The following CRIM1 variants were observed in gnomAD, a reference collection of about 807,000 sequenced individuals.
CRIM1 encodes cysteine-rich motor neuron 1 protein.
In CRIM1, 32 loss-of-function variants were observed where a neutral mutation model predicts 116.4. The ratio of observed to expected loss-of-function variants is 0.27; its 90% CI spans 0.21 to 0.37. CRIM1 has a LOEUF of 0.37. Among genes scored for constraint, CRIM1 ranks in the 10% least tolerant of loss-of-function variants. CRIM1 has a pLI of 1.00. For missense variants in CRIM1, 1,331 were observed against 1,354.8 expected, an observed-to-expected ratio of 0.98 and a Z score of 0.28; for synonymous variants, 590 against 509.2, an observed-to-expected ratio of 1.16 and a Z score of -2.13.
At chr2:36,460,688 T>C (rs1406758766) in intron 4 of CRIM1, among the ~76,000 whole-genome samples, 1 of 152,238 alleles carries the variant, frequency 6.6e-6, no homozygotes, top group Admixed American at 6.5e-5. Flanking sequence ...GTTTTTGTTT[T>C]GTTGTGTTAC....
At chr2:36,382,309 G>T (rs1007574518) in intron 1 of CRIM1, among the ~76,000 whole-genome samples, 1 of 152,212 alleles carries the variant, frequency 6.6e-6, no homozygotes, top group African/African-American at 2.4e-5. Flanking sequence ...GGCAGAGTCT[G>T]TTTCTGAAAC....
chr2:36,453,911 G>A (rs768225393), intron 4 of CRIM1, among the ~76,000 whole-genome samples: 16 of 152,130 alleles, frequency 1.1e-4, no homozygotes, highest in African/African-American at 3.6e-4. Context: ...TTGATTTTTC[G>A]ACTTGTAATG....
At chr2:36,375,870 T>C (rs1670281249) in intron 1 of CRIM1, among the ~76,000 whole-genome samples, 1 of 152,222 alleles carries the variant, frequency 6.6e-6, no homozygotes, top group African/African-American at 2.4e-5. Flanking sequence ...TTTAGTTGGA[T>C]CATAGGATAA....
chr2:36,404,769 C>T (rs1033732658), intron 2 of CRIM1, among the ~76,000 whole-genome samples: 1 of 152,136 alleles, frequency 6.6e-6, no homozygotes, highest in African/African-American at 2.4e-5. Context: ...TACACAAAGA[C>T]TTCTGTTTTA....
In CRIM1 at chr2:36,510,010, A is replaced by G. The variant is rs557537588; in HGVS notation, c.1529A>G (p.Gln510Arg). 82 of 1,613,962 alleles carry G rather than the reference A, an allele frequency of 5.1e-5. 3 individuals carry two copies. The South Asian group carries it at 8.6e-4, about 17-fold the overall frequency. Residue 510 changes from glutamine to arginine, a missense_variant, in exon 9 of 17, where the codon CAA (glutamine) becomes CGA (arginine). This residue lies in a region of CRIM1 where 358 missense variants were observed against 436.1 expected (regional missense o/e 0.82). Transcript: ENST00000280527. ...GAGGAACTATGTTCAGAACGTAAAC[A>G]AGGCTGCACCTTGAACTGTCCCTTC... ...NTEELCSERK[Q>R]GCTLNCPFGF...
In CRIM1 at chr2:36,477,019, A is replaced by G. The variant is rs1261269824; in HGVS notation, c.1122A>G (p.Ile374Met). The change falls in exon 6 of 17, where the codon ATA (isoleucine) becomes ATG (methionine). Residue 374 changes from isoleucine (I) to methionine (M), a missense_variant. Transcript: ENST00000280527. ...AICFTAQCGE[I>M]NCERYYVPEG... is the part of the protein sequence containing the mutation. ...GCTTCACCGCCCAGTGTGGTGAGATAAACTGCGAGAGGTACTACGTGCCCG... is the reference window on the plus strand; with the variant it reads ...GCTTCACCGCCCAGTGTGGTGAGATGAACTGCGAGAGGTACTACGTGCCCG... The G allele has an allele frequency of 6.2e-7, 1 of 1,613,782 alleles. No individual in the cohort carries two copies. The highest frequency in any genetic ancestry group is 1.3e-5 in the African/African-American group (1 of 75,066).
chr2:36,417,040 G>A (rs985313225), intron 2 of CRIM1, among the ~76,000 whole-genome samples: 3 of 152,158 alleles, frequency 2.0e-5, no homozygotes, highest in Admixed American at 6.5e-5. Context: ...GGTAACAGAC[G>A]TGGCACCGTC....
chr2:36,455,025 G>T (rs1395868749), intron 4 of CRIM1, among the ~76,000 whole-genome samples: 2 of 152,188 alleles, frequency 1.3e-5, no homozygotes, highest in African/African-American at 4.8e-5. Flanking sequence ...GGAGGTTCAG[G>T]CCGCAGAGAA....
intron 5 of CRIM1, among the ~76,000 whole-genome samples, chr2:36,467,251 A>G (rs1439248057): frequency 6.6e-6 from 1 of 152,196 alleles, no homozygotes; most frequent in Non-Finnish European, 1.5e-5. Context: ...GTGTCTATTG[A>G]TATATCAGTC....
At chr2:36,492,756 T>C (rs1012189788) in intron 7 of CRIM1, among the ~76,000 whole-genome samples, 2 of 152,198 alleles carry the variant, frequency 1.3e-5, no homozygotes, top group African/African-American at 4.8e-5. Flanking sequence ...TATTTAGCCA[T>C]TGAACTGCCA....
chr2:36,547,990 G>A (rs994461916), intron 16 of CRIM1, among the ~76,000 whole-genome samples: 1 of 152,126 alleles, frequency 6.6e-6, no homozygotes. Context: ...CGGTTATCCT[G>A]CCTCCGATTT....
chr2:36,355,796 GC>G lies in CRIM1; in HGVS notation c.-496del, dbSNP rs891715696. 3 of 151,878 alleles carry G rather than the reference GC, an allele frequency of 2.0e-5. No individual in the cohort carries two copies. The highest frequency in any genetic ancestry group is 7.2e-5 in the African/African-American group (3 of 41,382). 9.4% of individuals were successfully genotyped at this position (151,878 alleles called of 1,614,324 possible). On this transcript the variant is annotated 5_prime_UTR_variant, in exon 1 of 17. Transcript: ENST00000280527. ...GCGGCGCAGGAGTGAGGCGAGCGGG[GC>G]GCGCGGAGCGGACGCCGCGGATCTT...
At chr2:36,425,602 C>G (rs1169726761) in intron 2 of CRIM1, among the ~76,000 whole-genome samples, 1 of 152,090 alleles carries the variant, frequency 6.6e-6, no homozygotes, top group African/African-American at 2.4e-5. Context: ...AAATTAGATT[C>G]CAGAGTGCCC....
At chr2:36,434,517 C>T (rs563125779) in intron 2 of CRIM1, among the ~76,000 whole-genome samples, 1 of 152,212 alleles carries the variant, frequency 6.6e-6, no homozygotes, top group African/African-American at 2.4e-5. Context: ...CTTATCCTCT[C>T]TGGGTCTCTC....
At chr2:36,500,462 T>G (rs143022533) in intron 8 of CRIM1, among the ~76,000 whole-genome samples, 2 of 152,316 alleles carry the variant, frequency 1.3e-5, no homozygotes, top group African/African-American at 4.8e-5. Flanking sequence ...ACTAGGAACT[T>G]TTTTACATCA....
At chr2:36,383,373 G>A (rs1246126981) in intron 1 of CRIM1, among the ~76,000 whole-genome samples, 2 of 152,148 alleles carry the variant, frequency 1.3e-5, no homozygotes, top group East Asian at 3.8e-4. Context: ...TTATTATAAA[G>A]TTTATTTCTT....
intron 1 of CRIM1, among the ~76,000 whole-genome samples, chr2:36,357,010 C>T (rs1434446517): frequency 6.6e-6 from 1 of 152,204 alleles, no homozygotes; most frequent in African/African-American, 2.4e-5. Flanking sequence ...GAGCCCGGCC[C>T]TACCGCCCTC....
intron 7 of CRIM1, among the ~76,000 whole-genome samples, chr2:36,484,662 A>T (rs982516460): frequency 6.6e-6 from 1 of 152,120 alleles, no homozygotes; most frequent in African/African-American, 2.4e-5. Context: ...GACCCTGCCC[A>T]GGTGGCCACT....
At chr2:36,425,292 AT>A (rs1178624300) in intron 2 of CRIM1, among the ~76,000 whole-genome samples, 2 of 152,208 alleles carry the variant, frequency 1.3e-5, no homozygotes, top group Non-Finnish European at 2.9e-5. Context: ...GACTAAACAT[AT>A]TGATAGTAAG....
Sources: allele counts gnomAD v4.1 joint callset (sites outside exome capture counted in the v4.1 genomes callset), GRCh38; gene constraint gnomAD v4.1.1; regional missense constraint gnomAD v4.1.1; transcripts MANE v1.5; gene names NCBI Gene and HGNC (gene_info 2026-07-23, HGNC 2026-07-21).